Variants in RIMS1 observed in about 807,000 individuals in gnomAD.
The protein encoded by RIMS1 is regulating synaptic membrane exocytosis 1.
Under a neutral mutation model 214.1 loss-of-function variants are expected in RIMS1, and 83 were observed. The ratio of observed to expected loss-of-function variants is 0.39; its 90% CI spans 0.32 to 0.47. RIMS1 has a LOEUF of 0.47. RIMS1 is among the 20% of genes least tolerant of loss of function. The probability of loss-of-function intolerance (pLI) is 0.99; values close to 1 mark genes in which losing one functional copy is unlikely to be tolerated. For missense variants in RIMS1, 2,050 were observed against 2,161.8 expected (o/e 0.95, Z 1.03); for synonymous variants, 793 against 786.8 (o/e 1.01, Z -0.13).
intron 6 of RIMS1, chr6:72,216,864 T>C: frequency 4.8e-6 from 5 of 1,035,386 alleles, no homozygotes; most frequent in Non-Finnish European, 5.8e-6. Context: ...TAAAAGAGCT[T>C]TAGTGTATGC....
chr6:72,261,390 G>C (rs1425991757), intron 19 of RIMS1: 1 of 985,772 alleles, frequency 1.0e-6, no homozygotes, highest in East Asian at 1.1e-4. Flanking sequence ...CAGTATGAAT[G>C]CCTCTTTAGA....
chr6:72,349,005 C>T (rs2097358706), intron 29 of RIMS1, among the ~76,000 whole-genome samples: 1 of 151,952 alleles, frequency 6.6e-6, no homozygotes, highest in South Asian at 2.1e-4. Flanking sequence ...GGCATAGGGC[C>T]AGAGGAGGCT....
At position 72,019,774 on chromosome 6, in the gene RIMS1, G is replaced by A. The variant is rs1044142140; in HGVS notation, c.245+50711G>A. On this transcript the variant is annotated intron_variant, in intron 2 of 33. Transcript: ENST00000521978. ...TGTGGGTCCTATGTCTTTGGAGGGGGATGAGAGTGATGGCATTTTATCAGT... is the reference window on the plus strand; with the variant it reads ...TGTGGGTCCTATGTCTTTGGAGGGGAATGAGAGTGATGGCATTTTATCAGT... Among the ~76,000 whole-genome samples, 9 of 152,248 alleles carry A rather than the reference G, an allele frequency of 5.9e-5. No individual in the cohort carries two copies. The South Asian group carries it at 1.9e-3, about 32-fold the overall frequency.
intron 2 of RIMS1, among the ~76,000 whole-genome samples, chr6:71,984,402 G>C (rs1799306690): frequency 6.6e-6 from 1 of 151,828 alleles, no homozygotes; most frequent in Non-Finnish European, 1.5e-5. Context: ...AAATAGGGCT[G>C]TGTCTCTACC....
chr6:72,183,098 T>G lies in RIMS1; in HGVS notation c.1627T>G (p.Tyr543Asp). 1.9e-6 allele frequency: 3 copies of G among 1,591,780 alleles called. No individual in the cohort carries two copies. The highest frequency in any genetic ancestry group is 2.6e-6 in the Non-Finnish European group (3 of 1,170,342). ...GGAGGAGGGCGTGTCGACGCCCGAG[T>G]ACACCAGCTGCGAGGACGTGGAGCT... is the stretch of plus-strand genomic sequence containing the variant. Reference protein sequence around the residue: ...SEEEGVSTPEYTSCEDVELES... With the variant: ...SEEEGVSTPEDTSCEDVELES... Residue 543 changes from tyrosine (Y) to aspartate (D), a missense_variant, in exon 6 of 34, where the codon TAC becomes GAC. This residue lies in a region of RIMS1 where 882 missense variants were observed against 828.9 expected (regional missense o/e 1.06). Coordinates refer to ENST00000521978, the MANE Select transcript of RIMS1 (RefSeq NM_014989.7).
Position 72,266,036 on chromosome 6 carries a change from C to T in RIMS1, c.3385C>T (p.Pro1129Ser), listed in dbSNP as rs2080373684. 1 of 1,577,696 alleles carries T rather than the reference C, an allele frequency of 6.3e-7. No homozygotes were observed. Among genetic ancestry groups the T allele is most frequent in the Non-Finnish European group, 8.6e-7 (1 of 1,159,728 alleles). ...GAGACCAGATACTAGTTTGCATTCA[C>T]CAGAACGAGAAAGGTATAAAATAAA... ...CLRPDTSLHSPERERGRWSPS... is the reference protein window; with the variant it reads ...CLRPDTSLHSSERERGRWSPS... The change falls in exon 22 of 34, where the codon CCA becomes TCA. Residue 1129 changes from proline (P) to serine (S), a missense_variant. Pro to Ser is a moderately conservative substitution (Grantham distance 74, BLOSUM62 -1). This residue lies in a region of RIMS1 where 889 missense variants were observed against 885.5 expected (regional missense o/e 1.00). Coordinates refer to ENST00000521978, the MANE Select transcript of RIMS1 (RefSeq NM_014989.7).
chr6:72,068,361 C>T (rs1236428802), intron 2 of RIMS1, among the ~76,000 whole-genome samples: 1 of 119,130 alleles, frequency 8.4e-6, no homozygotes, highest in East Asian at 2.2e-4. Context: ...ACTTTTTTGT[C>T]CACAAAAAAA....
chr6:72,117,571 G>A (rs1293746392), intron 4 of RIMS1, among the ~76,000 whole-genome samples: 2 of 151,784 alleles, frequency 1.3e-5, no homozygotes, highest in Admixed American at 1.3e-4. Flanking sequence ...ATCATATCAA[G>A]TATCTTCTCA....
At chr6:72,352,172 A>G (rs1314042362) in intron 29 of RIMS1, among the ~76,000 whole-genome samples, 1 of 152,206 alleles carries the variant, frequency 6.6e-6, no homozygotes, top group Non-Finnish European at 1.5e-5. Context: ...TAAACTGTTC[A>G]GAATGTTTCT....
chr6:72,025,038 G>A (rs757904115), intron 2 of RIMS1, among the ~76,000 whole-genome samples: 190 of 151,248 alleles, frequency 1.3e-3, no homozygotes, highest in Non-Finnish European at 2.3e-3. Context: ...AGAGTAGCTG[G>A]GACTACAGGC....
intron 23 of RIMS1, among the ~76,000 whole-genome samples, chr6:72,278,195 C>A (rs201938047): frequency 1.4e-3 from 212 of 149,638 alleles, no homozygotes; most frequent in Non-Finnish European, 2.1e-3. Flanking sequence ...ATCTATCTAT[C>A]TATATATGAT....
chr6:72,186,861 T>C (rs1006411342), intron 6 of RIMS1, among the ~76,000 whole-genome samples: 2 of 151,848 alleles, frequency 1.3e-5, no homozygotes, highest in Admixed American at 6.6e-5. Flanking sequence ...CCGGGCGCAG[T>C]GGCTCTCACC....
At chr6:72,396,017 GAACCCC>G (rs2154448313) in intron 31 of RIMS1, among the ~76,000 whole-genome samples, 1 of 151,652 alleles carries the variant, frequency 6.6e-6, no homozygotes, top group South Asian at 2.1e-4. Flanking sequence ...AGACCCTCAT[GAACCCC>G]AAGAAAAGCA....
chr6:72,398,354 AGGAG>A lies in RIMS1; in HGVS notation c.4720+5_4720+8del. 6.4e-7 allele frequency: 1 copy of A among 1,572,330 alleles called. No homozygotes were observed. The highest frequency in any genetic ancestry group is 8.7e-7 in the Non-Finnish European group (1 of 1,151,498). ...CCTGGTTCCAAATCTACACCTGGTA[AGGAG>A]AAGTATTCCTGAATTTGGTGAAGGG... is the stretch of plus-strand genomic sequence containing the variant. On this transcript the variant is annotated splice_donor_5th_base_variant and intron_variant, in intron 32 of 33. Transcript: ENST00000521978.
chr6:72,205,941 G>A (rs1233853853), intron 6 of RIMS1, among the ~76,000 whole-genome samples: 1 of 152,046 alleles, frequency 6.6e-6, no homozygotes, highest in Admixed American at 6.5e-5. Context: ...GAAAGGGATT[G>A]CTAATTATAT....
rs1383014346 is a variant in RIMS1 at position 72,211,932 on chromosome 6, T to C, written c.1679-21841T>C. ...ATAAACCAGTCTTGGTAATACTCCA[T>C]GTCTGTTTCTCTACATGGTTGATTC... On this transcript the variant is annotated intron_variant, in intron 6 of 33. Coordinates refer to ENST00000521978, the MANE Select transcript of RIMS1 (RefSeq NM_014989.7). Among the ~76,000 whole-genome samples the C allele has an allele frequency of 2.0e-5, 3 of 152,278 alleles. No individual in the cohort carries two copies. The East Asian group carries it at 5.8e-4, about 29-fold the overall frequency.
intron 6 of RIMS1, among the ~76,000 whole-genome samples, chr6:72,191,599 A>G (rs1323044755): frequency 2.0e-5 from 3 of 152,262 alleles, no homozygotes; most frequent in Non-Finnish European, 4.4e-5. Context: ...GAGGTAGAAC[A>G]GTAAAGGTAT....
At chr6:72,200,303 T>C (rs1028314729) in intron 6 of RIMS1, among the ~76,000 whole-genome samples, 13 of 152,132 alleles carry the variant, frequency 8.5e-5, no homozygotes, top group Non-Finnish European at 1.8e-4. Flanking sequence ...GGGGAGTATA[T>C]TGCTTAGAGC....
chr6:72,014,564 A>G (rs1812056373), intron 2 of RIMS1, among the ~76,000 whole-genome samples: 2 of 152,190 alleles, frequency 1.3e-5, no homozygotes, highest in South Asian at 4.1e-4. Context: ...TAATGTTGCT[A>G]TGAACATTCA....
Sources: gnomAD v4.1 joint callset for allele counts (sites outside exome capture counted in the v4.1 genomes callset) on GRCh38, gnomAD v4.1.1 for gene constraint, gnomAD v4.1.1 regional missense constraint, MANE v1.5 for transcripts, NCBI Gene and HGNC (gene_info 2026-07-23, HGNC 2026-07-21) for gene names.